MCTP2: variants seen among roughly 807,000 people sequenced by gnomAD.
MCTP2 encodes multiple C2 and transmembrane domain-containing protein 2.
MCTP2 carries 132 observed loss-of-function variants against 111.6 expected under a neutral mutation model. The ratio of observed to expected loss-of-function variants is 1.18; its 90% CI spans 1.03 to 1.37. The LOEUF (loss-of-function observed/expected upper bound fraction) is 1.37. Ranked by LOEUF, MCTP2 falls within the 40% of genes most tolerant of loss-of-function variation. The pLI, the probability that MCTP2 is intolerant of heterozygous loss-of-function variation, is 0.00. For synonymous variants in MCTP2, 395 were observed against 387.7 expected, an observed-to-expected ratio of 1.02 and a Z score of -0.22; for missense variants, 1,183 against 1,067.9, an observed-to-expected ratio of 1.11 and a Z score of -1.50.
intron 2 of MCTP2, among the ~76,000 whole-genome samples, chr15:94,309,536 C>A (rs1382339809): frequency 2.0e-5 from 3 of 152,040 alleles, no homozygotes; most frequent in Non-Finnish European, 2.9e-5. Context: ...ATAGTAAGAC[C>A]CTTCAGACAG....
At chr15:94,390,580 T>C (rs1427585042) in intron 14 of MCTP2, among the ~76,000 whole-genome samples, 1 of 152,152 alleles carries the variant, frequency 6.6e-6, no homozygotes, top group Non-Finnish European at 1.5e-5. Flanking sequence ...CTTTCAAAAT[T>C]ACCCAATGGA....
chr15:94,362,255 G>A (rs943576106), intron 10 of MCTP2, among the ~76,000 whole-genome samples: 1 of 152,144 alleles, frequency 6.6e-6, no homozygotes, highest in Non-Finnish European at 1.5e-5. Flanking sequence ...AATGTCAAGA[G>A]TATGAATATA....
intron 18 of MCTP2, 83 bp downstream of exon 18, chr15:94,440,381 C>G: frequency 1.3e-6 from 2 of 1,564,536 alleles, no homozygotes; most frequent in Non-Finnish European, 8.7e-7. Context: ...AATCATGGCC[C>G]AAGTCCATTT....
chr15:94,272,843 CTTT>C (rs1428224559), intron 1 of MCTP2, among the ~76,000 whole-genome samples: 1 of 152,100 alleles, frequency 6.6e-6, no homozygotes, highest in Non-Finnish European at 1.5e-5. Flanking sequence ...TAGTATAAGG[CTTT>C]TATATTTTCT....
At chr15:94,386,129 AC>A (rs2080458604) in intron 14 of MCTP2, among the ~76,000 whole-genome samples, 2 of 152,294 alleles carry the variant, frequency 1.3e-5, no homozygotes, top group South Asian at 2.1e-4. Flanking sequence ...AAAAATACTT[AC>A]AAAATTCAGA....
chr15:94,288,291 G>A lies in MCTP2; in HGVS notation c.-65-9910G>A, dbSNP rs77130282. ...CACAGGAGACAGCTGAGAAGGAAGG[G>A]CTTGGGAAATGATCAAATACATTGT... is the stretch of plus-strand genomic sequence containing the variant. On this transcript the variant is annotated intron_variant, in intron 1 of 22. Transcript: ENST00000357742. Among the ~76,000 whole-genome samples, 797 of 152,290 alleles carry A rather than the reference G, an allele frequency of 5.2e-3. 5 individuals are homozygous for A. Among genetic ancestry groups the A allele is most frequent in the African/African-American group, 0.018 (747 of 41,536 alleles).
At chr15:94,377,067 A>T (rs911853254) in intron 12 of MCTP2, among the ~76,000 whole-genome samples, 1 of 152,186 alleles carries the variant, frequency 6.6e-6, no homozygotes, top group Non-Finnish European at 1.5e-5. Flanking sequence ...TATAATAGTG[A>T]CTACAAGTTT....
intron 1 of MCTP2, among the ~76,000 whole-genome samples, chr15:94,246,245 C>A (rs1394298089): frequency 6.6e-6 from 1 of 152,116 alleles, no homozygotes; most frequent in Non-Finnish European, 1.5e-5. Flanking sequence ...GCTTAAAGGT[C>A]AAGTATTTGG....
intron 1 of MCTP2, among the ~76,000 whole-genome samples, chr15:94,279,606 T>C (rs2074379024): frequency 6.6e-6 from 1 of 152,124 alleles, no homozygotes. Context: ...GCCTTTTATT[T>C]CTTTCTCTTG....
rs757524354 is a variant in MCTP2, at chr15:94,315,648, G to A, written c.637+11G>A. On this transcript the variant is annotated intron_variant, in intron 4 of 22. Transcript: ENST00000357742. Reference sequence around the variant, plus strand: ...TCCGAGATCGCTGTGGTAAGACCTGGGTCTGTTATGGTGGGTGTAGCCTGG... The same window carrying A: ...TCCGAGATCGCTGTGGTAAGACCTGAGTCTGTTATGGTGGGTGTAGCCTGG... 3.8e-6 allele frequency: 6 copies of A among 1,591,956 alleles called. No homozygotes were observed. The highest frequency in any genetic ancestry group is 2.2e-5 in the East Asian group (1 of 44,762).
At chr15:94,457,979 T>TTGG (rs150808486) in intron 19 of MCTP2, among the ~76,000 whole-genome samples, 158 bp from the exon 20 acceptor site, 10 of 151,788 alleles carry the variant, frequency 6.6e-5, no homozygotes, top group African/African-American at 2.4e-4. Flanking sequence ...CAGATTTTTC[T>TTGG]GGGGGGGGAG....
chr15:94,400,470 C>T (rs968884391), intron 16 of MCTP2, among the ~76,000 whole-genome samples: 2 of 152,050 alleles, frequency 1.3e-5, no homozygotes, highest in Admixed American at 6.6e-5. Flanking sequence ...TCGGCGTGGT[C>T]TAAATTTGGG....
chr15:94,298,799 T>G, intron 2 of MCTP2, 69 bp downstream of exon 2: 2 of 965,454 alleles, frequency 2.1e-6, no homozygotes, highest in Non-Finnish European at 2.9e-6. Context: ...TCTTTCTCCC[T>G]CTCTCCCCAT....
At chr15:94,361,117 T>A (rs944352513) in intron 10 of MCTP2, among the ~76,000 whole-genome samples, 8 of 119,108 alleles carry the variant, frequency 6.7e-5, no homozygotes, top group East Asian at 2.5e-4. Context: ...TTTTTTTTTT[T>A]AACACATTTG....
chr15:94,339,355 T>C lies in MCTP2; in HGVS notation c.703T>C (p.Tyr235His), dbSNP rs539545708. Reference protein sequence around the residue: ...GKTLYKSKVIYKNLNPVWDEI... With the variant: ...GKTLYKSKVIHKNLNPVWDEI... ...GACGCTGTACAAAAGTAAAGTCATA[T>C]ATAAGAACTTGAACCCAGTATGGGA... is the stretch of plus-strand genomic sequence containing the variant. Residue 235 changes from tyrosine to histidine, a missense_variant, in exon 5 of 23, where the codon TAT becomes CAT. By Grantham distance (83) the Tyr-to-His change is moderately conservative (BLOSUM62 2). Transcript: ENST00000357742. 6 of 1,612,214 alleles carry C rather than the reference T, an allele frequency of 3.7e-6. No homozygotes were observed. Among genetic ancestry groups the C allele is most frequent in the East Asian group, 4.5e-5 (2 of 44,846 alleles).
At chr15:94,432,139 C>A (rs927508416) in intron 17 of MCTP2, among the ~76,000 whole-genome samples, 1 of 152,088 alleles carries the variant, frequency 6.6e-6, no homozygotes, top group African/African-American at 2.4e-5. Context: ...AGATGTTGTT[C>A]TTGTTTCAGT....
At chr15:94,249,881 T>C (rs1377331763) in intron 1 of MCTP2, among the ~76,000 whole-genome samples, 1 of 152,168 alleles carries the variant, frequency 6.6e-6, no homozygotes, top group African/African-American at 2.4e-5. Context: ...CTGTTTTTGA[T>C]TAAACTTTTT....
chr15:94,286,541 A>C (rs1414153429), intron 1 of MCTP2, among the ~76,000 whole-genome samples: 1 of 152,128 alleles, frequency 6.6e-6, no homozygotes, highest in East Asian at 1.9e-4. Flanking sequence ...TTATATTAAA[A>C]AAGAAGTTTG....
At chr15:94,459,080 C>G (rs1354888902) in intron 20 of MCTP2, among the ~76,000 whole-genome samples, 1 of 152,172 alleles carries the variant, frequency 6.6e-6, no homozygotes, top group Non-Finnish European at 1.5e-5. Flanking sequence ...ACTTAGTTTT[C>G]ATTTGGCACC....
Sources: gnomAD v4.1 joint callset for allele counts (sites outside exome capture counted in the v4.1 genomes callset) on GRCh38, gnomAD v4.1.1 for gene constraint, MANE v1.5 for transcripts, NCBI Gene and HGNC (gene_info 2026-07-23, HGNC 2026-07-21) for gene names.